RBFOX2: variants seen among roughly 807,000 people sequenced by gnomAD.
The protein encoded by RBFOX2 is RNA binding protein fox-1 homolog 2.
RBFOX2 carries 10 observed loss-of-function variants against 49.1 expected under a neutral mutation model. The ratio of observed to expected loss-of-function variants is 0.20; its 90% CI spans 0.13 to 0.35. The LOEUF is 0.35. Ranked by LOEUF, RBFOX2 falls within the 10% of genes least tolerant of loss-of-function variation. RBFOX2 has a pLI of 1.00. For missense variants in RBFOX2, 323 were observed against 486.9 expected, an observed-to-expected ratio of 0.66 and a Z score of 3.17; for synonymous variants, 183 against 187.4, an observed-to-expected ratio of 0.98 and a Z score of 0.19.
At chr22:35,757,223 T>TAA (rs757386488) in intron 9 of RBFOX2, among the ~76,000 whole-genome samples, 15 of 131,942 alleles carry the variant, frequency 1.1e-4, no homozygotes, top group South Asian at 2.5e-4. Context: ...TGCATGACTT[T>TAA]AAAAAAAAAA....
chr22:35,813,442 T>C (rs956427892), intron 1 of RBFOX2, among the ~76,000 whole-genome samples: 2 of 152,206 alleles, frequency 1.3e-5, no homozygotes, highest in African/African-American at 2.4e-5. Flanking sequence ...CTTAAGTATA[T>C]CTCATCTGAG....
intron 1 of RBFOX2, among the ~76,000 whole-genome samples, chr22:35,982,945 T>C (rs2150070332): frequency 6.6e-6 from 1 of 152,268 alleles, no homozygotes; most frequent in East Asian, 1.9e-4. Flanking sequence ...TCCTCTTTCT[T>C]TGACAGCTGT....
chr22:35,846,964 T>A (rs1433704262), intron 1 of RBFOX2, among the ~76,000 whole-genome samples: 1 of 152,204 alleles, frequency 6.6e-6, no homozygotes, highest in Non-Finnish European at 1.5e-5. Flanking sequence ...AAGGAAAACC[T>A]GTGATAAAAG....
chr22:35,762,285 T>A (rs1939170354), intron 6 of RBFOX2, among the ~76,000 whole-genome samples: 1 of 152,232 alleles, frequency 6.6e-6, no homozygotes, highest in Non-Finnish European at 1.5e-5. Context: ...AAGTATTTTT[T>A]AAAAAGGAAT....
intron 1 of RBFOX2, among the ~76,000 whole-genome samples, chr22:35,867,099 A>T (rs1204043695): frequency 6.6e-6 from 1 of 152,108 alleles, no homozygotes; most frequent in African/African-American, 2.4e-5. Flanking sequence ...CACACTTAAA[A>T]CGTACTTTCA....
intron 1 of RBFOX2, among the ~76,000 whole-genome samples, chr22:35,822,554 T>C (rs1323897695): frequency 6.6e-6 from 1 of 152,202 alleles, no homozygotes; most frequent in Non-Finnish European, 1.5e-5. Flanking sequence ...GTTTCCTCTG[T>C]GAATTTGCTT....
upstream of RBFOX2, chr22:35,939,098 G>A (rs1434065143): frequency 2.9e-6 from 2 of 700,692 alleles, no homozygotes. Flanking sequence ...TATTTGCTTA[G>A]GAGCACTATT....
chr22:35,959,376 CAAGA>C (rs1167005603), intron 1 of RBFOX2, among the ~76,000 whole-genome samples: 1 of 152,118 alleles, frequency 6.6e-6, no homozygotes, highest in Non-Finnish European at 1.5e-5. Context: ...ACCCCTAGGC[CAAGA>C]AATAGGGAAG....
chr22:35,885,174 T>C (rs1266501828), intron 1 of RBFOX2, among the ~76,000 whole-genome samples: 3 of 152,158 alleles, frequency 2.0e-5, no homozygotes, highest in African/African-American at 7.2e-5. Context: ...ATTACTTAAA[T>C]ATAGCAGAGG....
intron 1 of RBFOX2, among the ~76,000 whole-genome samples, chr22:35,880,584 C>T (rs1488964676): frequency 1.3e-5 from 2 of 152,098 alleles, no homozygotes; most frequent in African/African-American, 2.4e-5. Flanking sequence ...TTCAGTTCTA[C>T]CTGTAAGAAT....
intron 2 of RBFOX2, among the ~76,000 whole-genome samples, chr22:35,797,187 C>A (rs1219197862): frequency 2.6e-5 from 4 of 152,052 alleles, no homozygotes; most frequent in Non-Finnish European, 4.4e-5. Context: ...ATCAAAATAT[C>A]AGTCCTTAAA....
chr22:35,992,012 CA>C (rs2058004175), intron 1 of RBFOX2, among the ~76,000 whole-genome samples: 2 of 152,264 alleles, frequency 1.3e-5, no homozygotes, highest in Admixed American at 1.3e-4. Flanking sequence ...TAACATTTTA[CA>C]GATGAAGGAA....
chr22:35,760,941 C>T (rs1217747299), intron 8 of RBFOX2, among the ~76,000 whole-genome samples: 6 of 152,164 alleles, frequency 3.9e-5, no homozygotes, highest in South Asian at 2.1e-4. Flanking sequence ...TTTTCTTTAT[C>T]GTCAAGTACA....
chr22:35,999,381 CAA>C (rs35407131), intron 1 of RBFOX2: 11 of 57,286 alleles, frequency 1.9e-4, no homozygotes, highest in African/African-American at 1.7e-4. Context: ...CCTGTCTCTA[CAA>C]AAAAAAAAAA....
At chr22:35,858,432 T>C (rs1019092054) in intron 1 of RBFOX2, among the ~76,000 whole-genome samples, 10 of 152,230 alleles carry the variant, frequency 6.6e-5, no homozygotes, top group Admixed American at 2.0e-4. Context: ...TCTGAACTTA[T>C]ATGGCATTCT....
At chr22:36,012,053 TA>T (rs777447130) in intron 1 of RBFOX2, among the ~76,000 whole-genome samples, 3 of 152,170 alleles carry the variant, frequency 2.0e-5, no homozygotes, top group Non-Finnish European at 4.4e-5. Flanking sequence ...GTTGTTGATC[TA>T]AATTAGAGAT....
chr22:35,809,908 A>C, exon 2 of RBFOX2: 2 of 1,613,730 alleles, frequency 1.2e-6, no homozygotes, highest in Non-Finnish European at 1.7e-6. Context: ...GGCACCCCAT[A>C]CTCTGTGGGA....
rs147853797 is a variant in RBFOX2 at position 35,884,391 on chromosome 22, G to A, written c.-34+54456C>T. Among the ~76,000 whole-genome samples the A allele has an allele frequency of 8.3e-3, 1,268 of 152,148 alleles. 7 individuals are homozygous for A. The highest frequency in any genetic ancestry group is 0.014 in the Non-Finnish European group (948 of 67,992). ...TTTATGTGGATCAGAAATCCAGCTG[G>A]GTAAGCTAAGTGCTTCTGGTTCAGG... On this transcript the variant is annotated intron_variant, in intron 1 of 13. Transcript: ENST00000359369.
intron 1 of RBFOX2, chr22:35,836,309 G>A (rs1007916639): frequency 6.6e-6 from 1 of 152,168 alleles, no homozygotes; most frequent in Non-Finnish European, 1.5e-5. Context: ...ATGAAACAAA[G>A]CAAAACATAC....
Sources: allele counts gnomAD v4.1 joint callset (sites outside exome capture counted in the v4.1 genomes callset), GRCh38; gene constraint gnomAD v4.1.1; transcripts MANE v1.5; gene names NCBI Gene and HGNC (gene_info 2026-07-23, HGNC 2026-07-21).